The following NUDCD3 variants were observed in gnomAD, a reference collection of about 807,000 sequenced individuals.
NUDCD3 encodes the protein NudC domain containing 3.
A neutral mutation model predicts 39.7 loss-of-function variants in NUDCD3; 13 were observed. The ratio of observed to expected loss-of-function variants is 0.33; its 90% CI spans 0.21 to 0.52. The LOEUF (loss-of-function observed/expected upper bound fraction) is 0.52, where lower values mean the gene tolerates loss of function less well. Ranked by LOEUF, NUDCD3 falls within the 20% of genes least tolerant of loss-of-function variation. The probability of loss-of-function intolerance (pLI) is 0.96; values close to 1 mark genes in which losing one functional copy is unlikely to be tolerated. For missense variants in NUDCD3, 453 were observed against 458.1 expected (o/e 0.99, Z 0.10); for synonymous variants, 175 against 172.4 (o/e 1.02, Z -0.12).
intron 1 of NUDCD3, among the ~76,000 whole-genome samples, chr7:44,486,892 T>G (rs780601732): frequency 6.6e-6 from 1 of 152,178 alleles, no homozygotes; most frequent in Non-Finnish European, 1.5e-5. Flanking sequence ...ATGTTCTCAG[T>G]ACTCATTCTA....
intron 2 of NUDCD3, among the ~76,000 whole-genome samples, chr7:44,444,913 T>A (rs1238327474): frequency 6.6e-6 from 1 of 152,196 alleles, no homozygotes; most frequent in Non-Finnish European, 1.5e-5. Flanking sequence ...CCACCTTACC[T>A]TCCAATATGC....
chr7:44,458,936 CTGTGTGTGTGTG>C (rs55947411), intron 2 of NUDCD3, among the ~76,000 whole-genome samples: 51 of 116,142 alleles, frequency 4.4e-4, no homozygotes, highest in East Asian at 1.4e-3. Context: ...ACGGGGAGTG[CTGTGTGTGTGTG>C]TGTGTGTGTG....
At chr7:44,452,297 C>G (rs936654863) in intron 2 of NUDCD3, among the ~76,000 whole-genome samples, 3 of 152,194 alleles carry the variant, frequency 2.0e-5, no homozygotes, top group Admixed American at 1.3e-4. Context: ...TAAAAGTTAG[C>G]TGGGGATGGG....
rs1054310667 is a variant in NUDCD3 at position 44,380,490 on chromosome 7, G to C, written c.*5521C>G. On this transcript the variant is annotated 3_prime_UTR_variant, in exon 6 of 6. Coordinates refer to ENST00000355451, the MANE Select transcript of NUDCD3 (RefSeq NM_015332.4). ...TTCCCCACCTTAAGGCTTAGCTCCAGTCTGTAGCCCATTCCCTGACAGGTA... is the reference window on the plus strand; with the variant it reads ...TTCCCCACCTTAAGGCTTAGCTCCACTCTGTAGCCCATTCCCTGACAGGTA... 1.3e-5 allele frequency: 2 copies of C among 152,256 alleles called. No homozygotes were observed. Among genetic ancestry groups the C allele is most frequent in the African/African-American group, 4.8e-5 (2 of 41,440 alleles). 9.4% of individuals were successfully genotyped at this position (152,256 alleles called of 1,614,324 possible). A position where few individuals can be genotyped will look rare whatever the true frequency, so the allele number is the denominator to read the frequency against.
intron 1 of NUDCD3, 65 bp downstream of exon 1, chr7:44,490,344 G>A (rs1181712276): frequency 1.4e-6 from 2 of 1,396,858 alleles, no homozygotes; most frequent in African/African-American, 3.0e-5. Flanking sequence ...TTGGAGGAGC[G>A]GGCGCCAGGA....
chr7:44,395,424 C>T (rs1329780346), intron 4 of NUDCD3, among the ~76,000 whole-genome samples: 1 of 152,212 alleles, frequency 6.6e-6, no homozygotes, highest in Admixed American at 6.5e-5. Flanking sequence ...ACAAAACTTA[C>T]CATTCAAAAG....
chr7:44,449,573 A>C (rs1288464905), intron 2 of NUDCD3, among the ~76,000 whole-genome samples: 1 of 152,210 alleles, frequency 6.6e-6, no homozygotes, highest in Non-Finnish European at 1.5e-5. Context: ...TTACTATGCA[A>C]AGAAGCAGAA....
Position 44,485,021 on chromosome 7 carries a change from T to G in NUDCD3, c.456A>C (p.Pro152=), listed in dbSNP as rs750682795. 6.2e-7 allele frequency: 1 copy of G among 1,614,218 alleles called. No homozygotes were observed. The highest frequency in any genetic ancestry group is 1.1e-5 in the South Asian group (1 of 91,082). Residue 152 remains proline (P), a synonymous_variant, in exon 2 of 6, where the codon CCA becomes CCC. Transcript: ENST00000355451. ...MAHGSQEAEA[P]GAVAGAAEVP... Reference sequence around the variant, plus strand: ...CTTCAGCAGCACCAGCAACTGCTCCTGGAGCTTCTGCCTCCTGTGAACCAT... The same window carrying G: ...CTTCAGCAGCACCAGCAACTGCTCCGGGAGCTTCTGCCTCCTGTGAACCAT...
chr7:44,395,709 A>G (rs1798611035), intron 4 of NUDCD3, among the ~76,000 whole-genome samples: 1 of 152,236 alleles, frequency 6.6e-6, no homozygotes, highest in Admixed American at 6.5e-5. Context: ...TTCACTTGGC[A>G]TAATGTCCTC....
At chr7:44,401,603 T>C (rs949330643) in intron 4 of NUDCD3, among the ~76,000 whole-genome samples, 7 of 152,150 alleles carry the variant, frequency 4.6e-5, no homozygotes, top group Admixed American at 2.0e-4. Flanking sequence ...TAAAGGCACT[T>C]TAAGGAACCA....
chr7:44,469,382 T>C (rs1251679496), intron 2 of NUDCD3, among the ~76,000 whole-genome samples: 3 of 152,174 alleles, frequency 2.0e-5, no homozygotes, highest in African/African-American at 7.2e-5. Context: ...ATCTTTAAAC[T>C]AAATTTGTTA....
intron 3 of NUDCD3, among the ~76,000 whole-genome samples, chr7:44,406,186 C>A (rs762573660): frequency 6.6e-6 from 1 of 152,206 alleles, no homozygotes; most frequent in Non-Finnish European, 1.5e-5. Context: ...GGGGACACAG[C>A]GAAGATATTC....
At chr7:44,423,375 T>C (rs1190155458) in intron 3 of NUDCD3, among the ~76,000 whole-genome samples, 6 of 152,170 alleles carry the variant, frequency 3.9e-5, no homozygotes, top group Non-Finnish European at 8.8e-5. Context: ...GATGACATGA[T>C]CGTACATTTA....
At chr7:44,465,495 G>A (rs554025342) in intron 2 of NUDCD3, among the ~76,000 whole-genome samples, 2 of 152,192 alleles carry the variant, frequency 1.3e-5, no homozygotes, top group Non-Finnish European at 2.9e-5. Context: ...GACATTAATC[G>A]TGGAGGCCAT....
intron 2 of NUDCD3, chr7:44,468,379 A>C: frequency 1.7e-6 from 2 of 1,177,832 alleles, no homozygotes; most frequent in Non-Finnish European, 2.4e-6. Context: ...AAGAAAAGAA[A>C]ACTAAGGCCC....
At chr7:44,405,669 T>C (rs562650123) in intron 3 of NUDCD3, among the ~76,000 whole-genome samples, 47 of 152,338 alleles carry the variant, frequency 3.1e-4, no homozygotes, top group Non-Finnish European at 5.4e-4. Context: ...CCCAAACTGA[T>C]AGATTTTCCA....
chr7:44,442,965 G>C (rs1364591810), intron 2 of NUDCD3, among the ~76,000 whole-genome samples: 1 of 152,052 alleles, frequency 6.6e-6, no homozygotes, highest in African/African-American at 2.4e-5. Flanking sequence ...GCCTCCCAAA[G>C]TGCTGGGATT....
At chr7:44,447,159 A>G (rs1279731452) in intron 2 of NUDCD3, among the ~76,000 whole-genome samples, 1 of 152,352 alleles carries the variant, frequency 6.6e-6, no homozygotes, top group Non-Finnish European at 1.5e-5. Flanking sequence ...CCTATCTGTT[A>G]ACGCACTTAT....
chr7:44,403,088 G>A (rs767537623), intron 4 of NUDCD3, among the ~76,000 whole-genome samples: 15 of 152,258 alleles, frequency 9.9e-5, no homozygotes, highest in Non-Finnish European at 1.8e-4. Flanking sequence ...ACTGCTGGGT[G>A]ATGGGGTGAT....
Sources: allele counts gnomAD v4.1 joint callset (sites outside exome capture counted in the v4.1 genomes callset), GRCh38; gene constraint gnomAD v4.1.1; transcripts MANE v1.5; gene names NCBI Gene and HGNC (gene_info 2026-07-23, HGNC 2026-07-21).